The following USO1 variants were observed in gnomAD, a reference collection of about 807,000 sequenced individuals.
USO1 encodes general vesicular transport factor p115.
USO1 carries 57 observed loss-of-function variants against 124.5 expected under a neutral mutation model. That is an observed-to-expected ratio of 0.46 (90% CI 0.37 to 0.57). The LOEUF is 0.57. Ranked by LOEUF, USO1 falls within the 20% of genes least tolerant of loss-of-function variation. The pLI is 0.00. For missense variants in USO1, 900 were observed against 1,040.6 expected, an observed-to-expected ratio of 0.86 and a Z score of 1.86; for synonymous variants, 369 against 362.8, an observed-to-expected ratio of 1.02 and a Z score of -0.19.
chr4:75,726,461 G>T (rs760536491), intron 1 of USO1, among the ~76,000 whole-genome samples: 2 of 151,682 alleles, frequency 1.3e-5, no homozygotes, highest in Non-Finnish European at 2.9e-5. Context: ...GCAGCTAGTC[G>T]CAGTGACACA....
intron 8 of USO1, 58 bp from the exon 9 acceptor site, chr4:75,782,622 G>C (rs1394114728): frequency 6.7e-7 from 1 of 1,494,624 alleles, no homozygotes; most frequent in African/African-American, 1.4e-5. Flanking sequence ...AAAATGTTTG[G>C]GAGTTTTGCG....
intron 3 of USO1, among the ~76,000 whole-genome samples, chr4:75,753,495 ACT>A (rs1299664166): frequency 6.6e-6 from 1 of 152,044 alleles, no homozygotes; most frequent in African/African-American, 2.4e-5. Flanking sequence ...AGATCGTCCA[ACT>A]GCACTTCAGC....
At chr4:75,737,167 TTTA>T (rs1199011477) in intron 1 of USO1, among the ~76,000 whole-genome samples, 2 of 152,234 alleles carry the variant, frequency 1.3e-5, no homozygotes, top group Non-Finnish European at 2.9e-5. Context: ...CACTACTTAC[TTTA>T]TAAATGTGGA....
intron 1 of USO1, among the ~76,000 whole-genome samples, chr4:75,750,483 A>C (rs1319471612): frequency 1.3e-5 from 2 of 151,854 alleles, no homozygotes; most frequent in Non-Finnish European, 1.5e-5. Flanking sequence ...TCTTTTTTTA[A>C]TTTTTATTTA....
chr4:75,782,803 A>G lies in USO1; in HGVS notation c.800A>G (p.Asp267Gly), dbSNP rs1306666748. The change falls in exon 9 of 24, where the codon GAT becomes GGT. Residue 267 changes from aspartate to glycine, a missense_variant. By Grantham distance (94) the Asp-to-Gly change is moderately conservative. Transcript: ENST00000514213. The stretch of plus-strand genomic sequence containing the variant: ...ATGAAACCTTGGTTTGAAGTTGGAG[A>G]TGAAAATTCTGGCTGGTCTGCACAG... The part of the protein sequence containing the change: ...QRMKPWFEVG[D>G]ENSGWSAQKV... 3.7e-6 allele frequency: 6 copies of G among 1,606,694 alleles called. No homozygotes were observed. Among genetic ancestry groups the G allele is most frequent in the African/African-American group, 2.7e-5 (2 of 74,414 alleles).
intron 13 of USO1, among the ~76,000 whole-genome samples, chr4:75,794,150 G>C (rs1353241725): frequency 6.6e-6 from 1 of 152,092 alleles, no homozygotes; most frequent in Non-Finnish European, 1.5e-5. Flanking sequence ...GTATTTTGAG[G>C]GTTTTGTCTT....
At chr4:75,792,119 G>A (rs1057164858) in intron 12 of USO1, among the ~76,000 whole-genome samples, 1 of 151,256 alleles carries the variant, frequency 6.6e-6, no homozygotes, top group African/African-American at 2.4e-5. Context: ...GTATACTTAA[G>A]CCAGGCGTGG....
chr4:75,748,175 A>G (rs1721186016), intron 1 of USO1, among the ~76,000 whole-genome samples: 1 of 146,488 alleles, frequency 6.8e-6, no homozygotes. Context: ...AAGTGCTGGG[A>G]TTACAGGCGT....
chr4:75,801,023 A>G, intron 16 of USO1, 56 bp from the exon 17 acceptor site: 1 of 1,434,202 alleles, frequency 7.0e-7, no homozygotes, highest in Non-Finnish European at 9.3e-7. Flanking sequence ...AAGTCTTAGT[A>G]GTAAAATAGT....
chr4:75,724,970 C>T (rs1370538542), intron 1 of USO1, 85 bp downstream of exon 1: 1 of 1,471,304 alleles, frequency 6.8e-7, no homozygotes. Context: ...AGGTCACCTC[C>T]AGCGTCCCAC....
chr4:75,779,355 C>T (rs1722157365), intron 8 of USO1, among the ~76,000 whole-genome samples: 1 of 152,174 alleles, frequency 6.6e-6, no homozygotes, highest in Non-Finnish European at 1.5e-5. Flanking sequence ...AATGATTAAG[C>T]TTTCTCTGCT....
chr4:75,804,119 T>G lies in USO1; in HGVS notation c.1987-15T>G. 1.9e-6 allele frequency: 3 copies of G among 1,610,880 alleles called. No homozygotes were observed. The highest frequency in any genetic ancestry group is 2.5e-6 in the Non-Finnish European group (3 of 1,178,732). ...GTATGACTTTAAAACACATGAATTA[T>G]GTTTTGTTTCACAGGATCTCCAACT... On this transcript the variant is annotated splice_polypyrimidine_tract_variant and intron_variant, in intron 17 of 23. Coordinates refer to ENST00000514213, the MANE Select transcript of USO1 (RefSeq NM_003715.4).
At chr4:75,725,053 T>C (rs1449007736) in intron 1 of USO1, 168 bp downstream of exon 1, 1 of 735,050 alleles carries the variant, frequency 1.4e-6, no homozygotes, top group Non-Finnish European at 2.2e-6. Context: ...AGTTATTCAA[T>C]CACGCCCCCA....
chr4:75,794,674 G>A (rs1296582918), intron 13 of USO1, among the ~76,000 whole-genome samples: 1 of 152,190 alleles, frequency 6.6e-6, no homozygotes, highest in Non-Finnish European at 1.5e-5. Context: ...TCTAGCAGTA[G>A]TTATCCTACC....
chr4:75,733,265 A>C, intron 1 of USO1, among the ~76,000 whole-genome samples: 1 of 152,160 alleles, frequency 6.6e-6, no homozygotes, highest in Admixed American at 6.5e-5. Context: ...TCTCAAAAAA[A>C]AAATTAAAAA....
At chr4:75,774,628 G>A in intron 7 of USO1, 48 bp from the exon 8 acceptor site, 1 of 1,541,700 alleles carries the variant, frequency 6.5e-7, no homozygotes, top group Non-Finnish European at 8.7e-7. Flanking sequence ...ATTTAAAAAT[G>A]TCTCATAAAT....
At position 75,774,894 on chromosome 4, in the gene USO1, T is replaced by A; in HGVS notation, c.676+98T>A. 3.5e-6 allele frequency: 5 copies of A among 1,435,892 alleles called. No individual in the cohort carries two copies. The South Asian group carries it at 6.6e-5, about 19-fold the overall frequency. 88.9% of individuals were successfully genotyped at this position (1,435,892 alleles called of 1,614,324 possible). On this transcript the variant is annotated intron_variant, in intron 8 of 23. Transcript: ENST00000514213. ...TTGGAGGGAGAAATGGGGACTCTTA[T>A]TTATACTCTTTGTTTTTCTTTCACT...
At chr4:75,726,029 C>T (rs1720434807) in intron 1 of USO1, among the ~76,000 whole-genome samples, 1 of 152,148 alleles carries the variant, frequency 6.6e-6, no homozygotes, top group Non-Finnish European at 1.5e-5. Flanking sequence ...CGCCTCTAAT[C>T]CCAGCACTTT....
intron 1 of USO1, among the ~76,000 whole-genome samples, chr4:75,750,059 A>G (rs1199137452): frequency 1.3e-5 from 2 of 152,150 alleles, no homozygotes; most frequent in East Asian, 1.9e-4. Flanking sequence ...GGCCTAAACT[A>G]TGTTCTTCAT....
Sources: gnomAD v4.1 joint callset for allele counts (sites outside exome capture counted in the v4.1 genomes callset) on GRCh38, gnomAD v4.1.1 for gene constraint, MANE v1.5 for transcripts, NCBI Gene and HGNC (gene_info 2026-07-23, HGNC 2026-07-21) for gene names.